WLS: variants seen among roughly 807,000 people sequenced by gnomAD.
WLS encodes protein wntless homolog.
In WLS, 23 loss-of-function variants were observed where a neutral mutation model predicts 62.8. That is an observed-to-expected ratio of 0.37 (90% confidence interval 0.26 to 0.52). The LOEUF is 0.52. Ranked by LOEUF, WLS falls within the 20% of genes least tolerant of loss-of-function variation. The pLI is 0.92. For missense variants in WLS, 615 were observed against 697.3 expected (o/e 0.88, Z 1.33); for synonymous variants, 246 against 244.1 (o/e 1.01, Z -0.07).
intron 4 of WLS, among the ~76,000 whole-genome samples, chr1:68,154,309 C>G (rs1255073108): frequency 6.6e-6 from 1 of 152,150 alleles, no homozygotes; most frequent in Non-Finnish European, 1.5e-5. Context: ...CGATTAAGTA[C>G]ATGATCAATT....
chr1:68,148,344 A>G lies in WLS; in HGVS notation c.1071-145T>C, dbSNP rs531983505. On this transcript the variant is annotated intron_variant, in intron 7 of 11. Transcript: ENST00000262348. ...AACATTACAGAAATCCTAAAGAGAAATGAAGCTTGTAGAATACATCGGCCC... is the reference window on the plus strand; with the variant it reads ...AACATTACAGAAATCCTAAAGAGAAGTGAAGCTTGTAGAATACATCGGCCC... The G allele has an allele frequency of 3.2e-6, 3 of 944,922 alleles. No homozygotes were observed. In the South Asian group the frequency reaches 4.8e-5, roughly 15 times the overall value. The allele number at this position is 944,922 out of a possible 1,614,324, so 58.5% of individuals were successfully genotyped here. A position where few individuals can be genotyped will look rare whatever the true frequency, so the allele number is the denominator to read the frequency against.
intron 1 of WLS, chr1:68,231,604 G>A (rs1650423222): frequency 2.6e-6 from 1 of 391,778 alleles, no homozygotes; most frequent in Non-Finnish European, 5.2e-6. Context: ...ACGGCAGAGC[G>A]TGGGGTGGAG....
intron 10 of WLS, among the ~76,000 whole-genome samples, chr1:68,143,977 C>T (rs907038681): frequency 3.9e-5 from 6 of 152,124 alleles, no homozygotes; most frequent in Non-Finnish European, 8.8e-5. Flanking sequence ...CTACTTACCT[C>T]GTAGGATTTT....
intron 1 of WLS, among the ~76,000 whole-genome samples, chr1:68,195,419 T>C (rs1162328127): frequency 6.6e-6 from 1 of 152,218 alleles, no homozygotes; most frequent in Non-Finnish European, 1.5e-5. Context: ...CAAGTTAACA[T>C]ATGAAAGCAC....
At chr1:68,132,208 A>G (rs1466591264) in intron 11 of WLS, among the ~76,000 whole-genome samples, 1 of 152,122 alleles carries the variant, frequency 6.6e-6, no homozygotes, top group Non-Finnish European at 1.5e-5. Context: ...GGCAGAAGAC[A>G]CCTGATTACA....
At chr1:68,165,394 C>T (rs1341656321) in intron 2 of WLS, among the ~76,000 whole-genome samples, 2 of 152,146 alleles carry the variant, frequency 1.3e-5, no homozygotes, top group Non-Finnish European at 2.9e-5. Flanking sequence ...CCAGAGCCTA[C>T]AGACCCCCTC....
intron 2 of WLS, chr1:68,162,145 A>G: frequency 6.7e-7 from 1 of 1,489,786 alleles, no homozygotes; most frequent in Non-Finnish European, 9.4e-7. Flanking sequence ...AGTGCAGATA[A>G]GATTCGGTGC....
At chr1:68,197,417 A>AT (rs1178852451) in intron 1 of WLS, among the ~76,000 whole-genome samples, 2 of 152,170 alleles carry the variant, frequency 1.3e-5, no homozygotes, top group Admixed American at 6.5e-5. Flanking sequence ...GAGAATCACA[A>AT]TTTTTTTCAC....
At chr1:68,126,476 G>T in intron 11 of WLS, 141 bp from the exon 12 acceptor site, 1 of 1,137,350 alleles carries the variant, frequency 8.8e-7, no homozygotes, top group Non-Finnish European at 1.2e-6. Flanking sequence ...ACAACATTCA[G>T]AACAAGGACT....
In WLS at chr1:68,170,147, C is replaced by T. The variant is rs184053287; in HGVS notation, c.380-10900G>A. Among the ~76,000 whole-genome samples, 663 of 135,910 alleles carry T rather than the reference C, an allele frequency of 4.9e-3. 4 individuals are homozygous for T. Among genetic ancestry groups the T allele is most frequent in the Non-Finnish European group, 8.8e-3 (545 of 62,186 alleles). The allele number at this position is 135,910 out of a possible 152,430, so 89.2% of individuals were successfully genotyped here. A position where few individuals can be genotyped will look rare whatever the true frequency, so the allele number is the denominator to read the frequency against. On this transcript the variant is annotated intron_variant, in intron 2 of 11. Transcript: ENST00000262348. Reference sequence around the variant, plus strand: ...GCATATAGTAAGCACTCAGTCAATGCTGGCTACTATTTCTTTTTTTTTTTT... The same window carrying T: ...GCATATAGTAAGCACTCAGTCAATGTTGGCTACTATTTCTTTTTTTTTTTT...
chr1:68,191,030 C>T (rs1381351765), intron 2 of WLS, among the ~76,000 whole-genome samples: 1 of 146,482 alleles, frequency 6.8e-6, no homozygotes, highest in Non-Finnish European at 1.5e-5. Flanking sequence ...TGCACTCCAG[C>T]CTGGGCAACA....
At chr1:68,120,280 A>G (rs1323667500) in intron 11 of WLS, among the ~76,000 whole-genome samples, 2 of 152,246 alleles carry the variant, frequency 1.3e-5, no homozygotes, top group Non-Finnish European at 2.9e-5. Flanking sequence ...CTGAAAAGCA[A>G]TAATCCAAGG....
chr1:68,124,996 G>A (rs1410064719), downstream of WLS, among the ~76,000 whole-genome samples: 1 of 152,192 alleles, frequency 6.6e-6, no homozygotes, highest in Non-Finnish European at 1.5e-5. Flanking sequence ...GAAATAGCCA[G>A]GTCAGATGTA....
intron 1 of WLS, 78 bp downstream of exon 1, chr1:68,232,116 C>G: frequency 1.3e-6 from 2 of 1,585,506 alleles, no homozygotes; most frequent in Non-Finnish European, 1.7e-6. Flanking sequence ...GATACTGTAA[C>G]AAGTAGCCCA....
At chr1:68,228,532 AAG>A (rs1312747257) in intron 1 of WLS, among the ~76,000 whole-genome samples, 2 of 152,140 alleles carry the variant, frequency 1.3e-5, no homozygotes, top group African/African-American at 2.4e-5. Context: ...ATGAAATCAA[AAG>A]AGAATTATTT....
chr1:68,194,873 C>T (rs1648575912), intron 1 of WLS, among the ~76,000 whole-genome samples: 1 of 152,176 alleles, frequency 6.6e-6, no homozygotes. Flanking sequence ...CGATGCACTT[C>T]AAGACAGCAA....
chr1:68,196,797 C>A (rs561470366), intron 1 of WLS, among the ~76,000 whole-genome samples: 1 of 152,100 alleles, frequency 6.6e-6, no homozygotes, highest in Non-Finnish European at 1.5e-5. Context: ...AACTGTATCA[C>A]GAAGACCTCA....
At chr1:68,165,395 A>G (rs1268506479) in intron 2 of WLS, among the ~76,000 whole-genome samples, 1 of 152,148 alleles carries the variant, frequency 6.6e-6, no homozygotes, top group Non-Finnish European at 1.5e-5. Flanking sequence ...CAGAGCCTAC[A>G]GACCCCCTCA....
rs1650467779 is a variant in WLS, at chr1:68,232,317, T to A, written c.-18A>T. 3.1e-6 allele frequency: 5 copies of A among 1,613,118 alleles called. No homozygotes were observed. Among genetic ancestry groups the A allele is most frequent in the Non-Finnish European group, 4.2e-6 (5 of 1,179,554 alleles). On this transcript the variant is annotated 5_prime_UTR_variant, in exon 1 of 12. Transcript: ENST00000262348. ...CCAGCCATTTTTGCGCCCCCCCTTT[T>A]TCTTTTCTCCTTGAAATAAATGTTT... is the stretch of plus-strand genomic sequence containing the variant.
Sources: allele counts gnomAD v4.1 joint callset (sites outside exome capture counted in the v4.1 genomes callset), GRCh38; gene constraint gnomAD v4.1.1; transcripts MANE v1.5; gene names NCBI Gene and HGNC (gene_info 2026-07-23, HGNC 2026-07-21).